PLPBP: variants seen among roughly 807,000 people sequenced by gnomAD.
PLPBP encodes pyridoxal phosphate binding protein, also known as pyridoxal phosphate homeostasis protein.
A neutral mutation model predicts 31.2 loss-of-function variants in PLPBP; 21 were observed. That is an observed-to-expected ratio of 0.67 (90% CI 0.48 to 0.97). The LOEUF is 0.97. Among genes scored for constraint, PLPBP ranks in the 50% least tolerant of loss-of-function variants. PLPBP has a pLI of 0.00. For synonymous variants in PLPBP, 124 were observed against 135.6 expected (o/e 0.91, Z 0.59); for missense variants, 308 against 354.4 (o/e 0.87, Z 1.05).
intron 4 of PLPBP, among the ~76,000 whole-genome samples, chr8:37,770,405 C>T (rs746716903): frequency 2.6e-5 from 4 of 152,206 alleles, no homozygotes; most frequent in Admixed American, 6.5e-5. Context: ...ATAAGTGCTG[C>T]TGGGAAAACT....
chr8:37,766,103 C>T (rs1236575242), intron 3 of PLPBP, among the ~76,000 whole-genome samples, 177 bp from the exon 4 acceptor site: 4 of 152,048 alleles, frequency 2.6e-5, no homozygotes, highest in African/African-American at 9.7e-5. Context: ...AGAACAGAAG[C>T]CTTAGATTTT....
In PLPBP at chr8:37,764,179, C is replaced by T. The variant is rs537714434; in HGVS notation, c.100-1347C>T. On this transcript the variant is annotated intron_variant, in intron 1 of 7. Transcript: ENST00000328195. ...GTGCAGTGGCACGATCTTGGCTCAC[C>T]GCAACCTCCACCTCCCGGGTTCACG... 1.7e-3 allele frequency among the ~76,000 whole-genome samples: 257 copies of T among 150,242 alleles called. 1 individual carries two copies. Among genetic ancestry groups the T allele is most frequent in the South Asian group, 4.2e-3 (20 of 4,738 alleles).
At chr8:37,776,769 T>A (rs1410619671) in intron 7 of PLPBP, among the ~76,000 whole-genome samples, 1 of 152,064 alleles carries the variant, frequency 6.6e-6, no homozygotes, top group Non-Finnish European at 1.5e-5. Context: ...GCTTCATGTT[T>A]GTTTGTTTTT....
At position 37,775,367 on chromosome 8, in the gene PLPBP, C is replaced by T. The variant is rs1229811270; in HGVS notation, c.483C>T (p.Thr161=). 2 of 1,614,162 alleles carry T rather than the reference C, an allele frequency of 1.2e-6. No individual in the cohort carries two copies. The highest frequency in any genetic ancestry group is 1.7e-6 in the Non-Finnish European group (2 of 1,180,014). Residue 161 remains threonine (T), a synonymous_variant, in exon 6 of 8, where the codon ACC becomes ACT. Transcript: ENST00000328195. ...AACATGGCCTTCCACCTTCAGAGAC[C>T]ATAGCCATCGTGGAGCACATAAACG... ...ESKHGLPPSE[T]IAIVEHINAK... is the part of the protein sequence containing the mutation.
chr8:37,766,642 T>C (rs771603521), intron 4 of PLPBP: 4 of 1,032,668 alleles, frequency 3.9e-6, no homozygotes, highest in Non-Finnish European at 4.7e-6. Flanking sequence ...CCCATAAATT[T>C]TTTTAACTAG....
At chr8:37,766,705 AAATAC>A (rs1803639248) in intron 4 of PLPBP, 1 of 867,884 alleles carries the variant, frequency 1.2e-6, no homozygotes, top group Non-Finnish European at 1.4e-6. Context: ...ACAGTAAATA[AAATAC>A]AATACAGTAA....
At chr8:37,775,071 T>C (rs1052615329) in intron 5 of PLPBP, 18 of 274,082 alleles carry the variant, frequency 6.6e-5, no homozygotes, top group Non-Finnish European at 2.7e-5. Flanking sequence ...TTCTTTTCCA[T>C]GTCTCCTAGC....
chr8:37,762,902 C>A, intron 1 of PLPBP, 144 bp downstream of exon 1: 1 of 1,072,574 alleles, frequency 9.3e-7, no homozygotes, highest in Non-Finnish European at 1.3e-6. Context: ...GAAAGGCTAG[C>A]GAAGGGTTTC....
intron 1 of PLPBP, among the ~76,000 whole-genome samples, chr8:37,763,001 G>T (rs1043173143): frequency 6.6e-5 from 10 of 152,202 alleles, no homozygotes; most frequent in Admixed American, 5.9e-4. Context: ...AAATGACTTA[G>T]TGCCTAGGTG....
rs201633527 is a variant in PLPBP at position 37,763,322 on chromosome 8, G to GTA, written c.99+574_99+575dup. On this transcript the variant is annotated intron_variant, in intron 1 of 7. Transcript: ENST00000328195. ...GTTAAGGGGAGCTTTCGTCTTTTGT[G>GTA]TATATATATATTACATCCTCTTGGA... Among the ~76,000 whole-genome samples the GTA allele has an allele frequency of 5.5e-3, 830 of 152,164 alleles. 4 individuals are homozygous for GTA. The highest frequency in any genetic ancestry group is 9.8e-3 in the Non-Finnish European group (665 of 67,984).
chr8:37,763,481 C>G (rs923762558), intron 1 of PLPBP, among the ~76,000 whole-genome samples: 1 of 152,142 alleles, frequency 6.6e-6, no homozygotes, highest in Non-Finnish European at 1.5e-5. Flanking sequence ...GAAGACAAGA[C>G]CTGTATTATA....
At position 37,768,729 on chromosome 8, in the gene PLPBP, T is replaced by TC. The variant is rs371670363; in HGVS notation, c.319+2377dup. Among the ~76,000 whole-genome samples the TC allele has an allele frequency of 7.8e-3, 1,193 of 152,242 alleles. 16 individuals are homozygous for TC. Among genetic ancestry groups the TC allele is most frequent in the African/African-American group, 0.027 (1,108 of 41,534 alleles). On this transcript the variant is annotated intron_variant, in intron 4 of 7. Coordinates refer to ENST00000328195, the MANE Select transcript of PLPBP (RefSeq NM_007198.4). The stretch of plus-strand genomic sequence containing the variant: ...ACCTCATGATCCGCCTGCCTTGGCC[T>TC]CCCAAAGTGCTGGGATTACAGGCGT...
Position 37,776,442 on chromosome 8 carries a change from C to T in PLPBP, c.696+426C>T, listed in dbSNP as rs573419115. Among the ~76,000 whole-genome samples, 8 of 138,722 alleles carry T rather than the reference C, an allele frequency of 5.8e-5. No individual in the cohort carries two copies. In the South Asian group the frequency reaches 1.8e-3, roughly 32 times the overall value. The allele number at this position is 138,722 out of a possible 152,430, so 91.0% of individuals were successfully genotyped here. ...AGTGAGCCGAGGTCGCGCCACTGCACTCCAGCCTGGCTGGCAACAGAGCGA... is the reference window on the plus strand; with the variant it reads ...AGTGAGCCGAGGTCGCGCCACTGCATTCCAGCCTGGCTGGCAACAGAGCGA... On this transcript the variant is annotated intron_variant, in intron 7 of 7. Transcript: ENST00000328195.
Position 37,762,757 on chromosome 8 carries a change from G to T in PLPBP, c.98G>T (p.Arg33Leu). The part of the protein sequence containing the change: ...RVQQAVARRP[R>L]DLPAIQPRLV... ...CAGCAGGCTGTGGCGCGGCGGCCGC[G>T]GGTGAGGAAGGAGGCTGCGTGGGGA... The change falls in exon 1 of 8, where the codon CGG (arginine) becomes CTG (leucine). Residue 33 changes from arginine (R) to leucine (L), a missense_variant and splice_region_variant. Arg to Leu is a moderately radical substitution (Grantham distance 102). Transcript: ENST00000328195. The T allele has an allele frequency of 6.4e-7, 1 of 1,560,440 alleles. No homozygotes were observed. Among genetic ancestry groups the T allele is most frequent in the Non-Finnish European group, 8.6e-7 (1 of 1,159,952 alleles).
intron 6 of PLPBP, 62 bp from the exon 7 acceptor site, chr8:37,775,856 A>C: frequency 6.9e-7 from 1 of 1,443,008 alleles, no homozygotes; most frequent in Non-Finnish European, 9.7e-7. Context: ...GTTCAGATTC[A>C]GACACTTTTG....
intron 3 of PLPBP, 29 bp from the exon 4 acceptor site, chr8:37,766,251 A>G (rs1470602838): frequency 6.4e-7 from 1 of 1,573,654 alleles, no homozygotes; most frequent in Non-Finnish European, 8.7e-7. Context: ...TAAAATCTGA[A>G]TTACACATGG....
chr8:37,775,508 G>T (rs760806952), intron 6 of PLPBP, 27 bp downstream of exon 6: 1 of 1,612,562 alleles, frequency 6.2e-7, no homozygotes, highest in Non-Finnish European at 8.5e-7. Context: ...GAGATTGCTC[G>T]TGTGCTAAAG....
chr8:37,775,324 T>C lies in PLPBP; in HGVS notation c.455-15T>C, dbSNP rs745709896. The C allele has an allele frequency of 1.2e-6, 2 of 1,614,092 alleles. No homozygotes were observed. Among genetic ancestry groups the C allele is most frequent in the South Asian group, 2.2e-5 (2 of 91,076 alleles). On this transcript the variant is annotated splice_polypyrimidine_tract_variant and intron_variant, in intron 5 of 7. Transcript: ENST00000328195. ...ACCCTTGCAGTATACCTGTTTTCTG[T>C]TTCTTTTCTTGAAGGTAAACATGGC...
At chr8:37,773,807 C>T (rs1034792514) in intron 5 of PLPBP, among the ~76,000 whole-genome samples, 2 of 151,946 alleles carry the variant, frequency 1.3e-5, no homozygotes, top group African/African-American at 2.4e-5. Context: ...CCAAAGGTCA[C>T]CATCACTCCT....
Sources: allele counts gnomAD v4.1 joint callset (sites outside exome capture counted in the v4.1 genomes callset), GRCh38; gene constraint gnomAD v4.1.1; transcripts MANE v1.5; gene names NCBI Gene and HGNC (gene_info 2026-07-23, HGNC 2026-07-21).